Variants in KIF13A observed in about 807,000 individuals in gnomAD.
KIF13A encodes the protein kinesin family member 13A, also known as kinesin-like protein KIF13A.
Under a neutral mutation model 212.2 loss-of-function variants are expected in KIF13A, and 79 were observed. The observed-to-expected ratio is 0.37, with a 90% confidence interval of 0.31 to 0.45. KIF13A has a LOEUF of 0.45. Ranked by LOEUF, KIF13A falls within the 20% of genes least tolerant of loss-of-function variation. The probability of loss-of-function intolerance (pLI) is 1.00; values close to 1 mark genes in which losing one functional copy is unlikely to be tolerated. For synonymous variants in KIF13A, 789 were observed against 808.6 expected, an observed-to-expected ratio of 0.98 and a Z score of 0.41; for missense variants, 1,901 against 2,209.0, an observed-to-expected ratio of 0.86 and a Z score of 2.79.
At chr6:17,878,578 G>A (rs1306013799) in intron 3 of KIF13A, among the ~76,000 whole-genome samples, 1 of 151,942 alleles carries the variant, frequency 6.6e-6, no homozygotes, top group East Asian at 1.9e-4. Flanking sequence ...CTGCATCCAG[G>A]TCAAACTTAA....
chr6:17,931,191 G>C (rs1315374676), intron 2 of KIF13A, among the ~76,000 whole-genome samples: 1 of 152,174 alleles, frequency 6.6e-6, no homozygotes. Context: ...TGGTTGACCA[G>C]TTTATTCTAA....
chr6:17,853,862 GTAT>G (rs1280914868), intron 6 of KIF13A, among the ~76,000 whole-genome samples: 2 of 152,018 alleles, frequency 1.3e-5, no homozygotes, highest in Non-Finnish European at 2.9e-5. Flanking sequence ...CAAGGGGAAC[GTAT>G]AGTGAGCTTC....
chr6:17,831,323 T>C, intron 12 of KIF13A, 88 bp from the exon 13 acceptor site: 1 of 1,418,314 alleles, frequency 7.1e-7, no homozygotes, highest in Non-Finnish European at 9.7e-7. Flanking sequence ...TCACTGTTTC[T>C]GGGGACAATG....
At chr6:17,835,401 C>T (rs948034388) in intron 11 of KIF13A, among the ~76,000 whole-genome samples, 2 of 152,068 alleles carry the variant, frequency 1.3e-5, no homozygotes, top group Admixed American at 1.3e-4. Flanking sequence ...AACCATTATA[C>T]TTTCCTCCTA....
At position 17,771,934 on chromosome 6, in the gene KIF13A, C is replaced by T; in HGVS notation, c.4450G>A (p.Glu1484Lys). The T allele has an allele frequency of 6.2e-7, 1 of 1,613,976 alleles. No individual in the cohort carries two copies. The highest frequency in any genetic ancestry group is 8.5e-7 in the Non-Finnish European group (1 of 1,179,862). ...TCCTGGCTTAGAAGAGGCCTTGCTT[C>T]CAGGGCTATCCTTTTCTTATGCTCC... Reference protein sequence around the residue: ...KEEHKKRIALEARPLLSQESM... With the variant: ...KEEHKKRIALKARPLLSQESM... Residue 1484 changes from glutamate (E) to lysine (K), a missense_variant, in exon 37 of 39, where the codon GAA (glutamate) becomes AAA (lysine). Physicochemically the swap from Glu to Lys is moderately conservative, Grantham distance 56. Transcript: ENST00000259711. The surrounding 1 kb of genome is among the most constrained non-coding windows in gnomAD (Gnocchi z 5.4).
rs565819136 is a variant in KIF13A, at chr6:17,920,665, G to A, written c.147-22485C>T. 3.9e-4 allele frequency among the ~76,000 whole-genome samples: 60 copies of A among 152,184 alleles called. 1 individual carries two copies. The highest frequency in any genetic ancestry group is 1.2e-3 in the East Asian group (6 of 5,156). On this transcript the variant is annotated intron_variant, in intron 2 of 38. Transcript: ENST00000259711. ...GAGGTGGGTGGATTACCTGAGGTCC[G>A]GAGTTCGAGACCAGCCTGGCCATCA...
In KIF13A at chr6:17,891,322, A is replaced by G. The variant is rs189918745; in HGVS notation, c.159+6846T>C. On this transcript the variant is annotated intron_variant, in intron 3 of 38. Transcript: ENST00000259711. ...GAGAAAAACCCAAAGATATGGTACAAAGCAATTTATAAAGACAGAAACTTA... is the reference window on the plus strand; with the variant it reads ...GAGAAAAACCCAAAGATATGGTACAGAGCAATTTATAAAGACAGAAACTTA... Among the ~76,000 whole-genome samples, 386 of 152,354 alleles carry G rather than the reference A, an allele frequency of 2.5e-3. 6 individuals carry two copies. Among genetic ancestry groups the G allele is most frequent in the Non-Finnish European group, 1.7e-3 (114 of 68,036 alleles).
intron 2 of KIF13A, among the ~76,000 whole-genome samples, chr6:17,969,566 C>A (rs971161349): frequency 6.6e-6 from 1 of 152,160 alleles, no homozygotes; most frequent in East Asian, 1.9e-4. Context: ...TTTTATTTTT[C>A]TTCCTGAGGC....
At chr6:17,802,923 GTTTTTTT>G (rs57190220) in intron 20 of KIF13A, among the ~76,000 whole-genome samples, 5 of 135,646 alleles carry the variant, frequency 3.7e-5, no homozygotes, top group South Asian at 4.6e-4. Flanking sequence ...ATTTTTTTGT[GTTTTTTT>G]TGTTTTTTTT....
At chr6:17,922,804 AAT>A (rs1030515672) in intron 2 of KIF13A, among the ~76,000 whole-genome samples, 8 of 151,690 alleles carry the variant, frequency 5.3e-5, no homozygotes, top group African/African-American at 1.4e-4. Context: ...ATTAAAAAAA[AAT>A]AGAGATGGGG....
chr6:17,780,510 A>G (rs1760466237), intron 31 of KIF13A, among the ~76,000 whole-genome samples: 1 of 152,150 alleles, frequency 6.6e-6, no homozygotes, highest in Non-Finnish European at 1.5e-5. Context: ...GTAGGATTAC[A>G]CCTCTCCAAT....
In KIF13A at chr6:17,826,666, T is replaced by C. The variant is rs1181849087; in HGVS notation, c.1533-542A>G. On this transcript the variant is annotated intron_variant, in intron 14 of 38. Transcript: ENST00000259711. The surrounding 1 kb of genome is among the most constrained non-coding windows in gnomAD (Gnocchi z 4.7). Reference sequence around the variant, plus strand: ...TAAAAGAGATCTAAGAGGAATACTATAAAACAATGGTAGGATCTTATCTGG... The same window carrying C: ...TAAAAGAGATCTAAGAGGAATACTACAAAACAATGGTAGGATCTTATCTGG... 1.3e-5 allele frequency among the ~76,000 whole-genome samples: 2 copies of C among 151,978 alleles called. No homozygotes were observed. Among genetic ancestry groups the C allele is most frequent in the Non-Finnish European group, 1.5e-5 (1 of 68,006 alleles).
chr6:17,848,634 C>T (rs1369314144), intron 9 of KIF13A, among the ~76,000 whole-genome samples: 13 of 139,846 alleles, frequency 9.3e-5, no homozygotes, highest in Non-Finnish European at 1.4e-4. Context: ...GGAGCAATCT[C>T]GGCTCACTGC....
intron 4 of KIF13A, among the ~76,000 whole-genome samples, chr6:17,867,830 C>T (rs902506026): frequency 6.6e-6 from 1 of 152,178 alleles, no homozygotes; most frequent in African/African-American, 2.4e-5. Flanking sequence ...TGTTTTGTCT[C>T]ATTACGATTC....
chr6:17,908,651 A>C (rs1333627068), intron 2 of KIF13A, among the ~76,000 whole-genome samples: 1 of 152,062 alleles, frequency 6.6e-6, no homozygotes. Flanking sequence ...ATTTTAAAAA[A>C]TGCTAATCCT....
intron 9 of KIF13A, among the ~76,000 whole-genome samples, chr6:17,841,365 G>A (rs1444780018): frequency 6.6e-6 from 1 of 152,072 alleles, no homozygotes; most frequent in African/African-American, 2.4e-5. Context: ...ATGCCCAGTC[G>A]TATGCCCAAG....
At chr6:17,941,392 G>T (rs185727829) in intron 2 of KIF13A, among the ~76,000 whole-genome samples, 2 of 152,240 alleles carry the variant, frequency 1.3e-5, no homozygotes, top group East Asian at 3.9e-4. Flanking sequence ...GTTATGAATG[G>T]AATCATGTCC....
Position 17,971,464 on chromosome 6 carries a change from C to T in KIF13A, c.146+15590G>A, listed in dbSNP as rs1779801276. On this transcript the variant is annotated intron_variant, in intron 2 of 38. Transcript: ENST00000259711. The surrounding 1 kb of genome is among the most constrained non-coding windows in gnomAD (Gnocchi z 4.2). ...TGACACAGGGTCTCACTCTGTCGCC[C>T]AGGCTGGAGTGCAGTGGTGTAATCA... Among the ~76,000 whole-genome samples, 1 of 151,936 alleles carries T rather than the reference C, an allele frequency of 6.6e-6. No homozygotes were observed. The highest frequency in any genetic ancestry group is 2.4e-5 in the African/African-American group (1 of 41,336).
At position 17,872,413 on chromosome 6, in the gene KIF13A, A is replaced by C. The variant is rs1487373337; in HGVS notation, c.220+964T>G. 2.0e-5 allele frequency among the ~76,000 whole-genome samples: 3 copies of C among 152,152 alleles called. No homozygotes were observed. Among genetic ancestry groups the C allele is most frequent in the Non-Finnish European group, 1.5e-5 (1 of 68,022 alleles). ...AACACTCAGTAGGAAGAAATAGTTC[A>C]CGAGCTCTATTGTACAACACGGTGA... On this transcript the variant is annotated intron_variant, in intron 4 of 38. Coordinates refer to ENST00000259711, the MANE Select transcript of KIF13A (RefSeq NM_022113.6). This position sits in a 1 kb window ranked among gnomAD's most constrained non-coding sequence, Gnocchi z 4.7.
Sources: gnomAD v4.1 joint callset for allele counts (sites outside exome capture counted in the v4.1 genomes callset) on GRCh38, gnomAD v4.1.1 for gene constraint, Gnocchi (gnomAD v3.1) non-coding constraint, MANE v1.5 for transcripts, NCBI Gene and HGNC (gene_info 2026-07-23, HGNC 2026-07-21) for gene names.